STS: variants seen among roughly 807,000 people sequenced by gnomAD.
STS encodes the protein steryl-sulfatase.
In STS, 7 loss-of-function variants were observed where a neutral mutation model predicts 26.8. The ratio of observed to expected loss-of-function variants is 0.26; its 90% CI spans 0.15 to 0.49. STS has a LOEUF of 0.49. Ranked by LOEUF, STS falls within the 20% of genes least tolerant of loss-of-function variation. The probability of loss-of-function intolerance (pLI) is 0.98; values close to 1 mark genes in which losing one functional copy is unlikely to be tolerated. For synonymous variants in STS, 199 were observed against 189.4 expected, an observed-to-expected ratio of 1.05 and a Z score of -0.42; for missense variants, 434 against 465.6, an observed-to-expected ratio of 0.93 and a Z score of 0.63.
At chrX:7,231,903 G>A (rs762041752) in intron 2 of STS, among the ~76,000 whole-genome samples, 10 of 103,507 alleles carry the variant, frequency 9.7e-5, no homozygotes, top group South Asian at 4.4e-4. Context: ...ACCACCGACC[G>A]CAGATAGTCG....
intron 1 of STS, among the ~76,000 whole-genome samples, chrX:7,160,777 C>CT (rs1202568953): frequency 2.7e-5 from 3 of 111,496 alleles, no homozygotes. Flanking sequence ...TTGTTTCACT[C>CT]TTTTTCATTT....
rs181267099 is a variant in STS, at chrX:7,233,165, C to T, written c.-4-20031C>T. Among the ~76,000 whole-genome samples the T allele has an allele frequency of 9.5e-5, 9 of 95,074 alleles. No individual in the cohort carries two copies. The East Asian group carries it at 2.7e-3, about 29-fold the overall frequency. The allele number at this position is 95,074 out of a possible 115,157, so 82.6% of individuals were successfully genotyped here. ...CTGGAGTGTAATGGCGCGATCTTGG[C>T]TCACTGCAACCTCTGCCTCCAGGGT... On this transcript the variant is annotated intron_variant, in intron 2 of 10. Coordinates refer to ENST00000674429, the MANE Select transcript of STS (RefSeq NM_001320752.2).
intron 2 of STS, among the ~76,000 whole-genome samples, chrX:7,201,460 A>T (rs1934071525): frequency 9.2e-6 from 1 of 109,120 alleles, no homozygotes; most frequent in Non-Finnish European, 1.9e-5. Flanking sequence ...TAACTTTTTA[A>T]TTTTTTTTTG....
chrX:7,327,648 G>C (rs1325284822), intron 9 of STS, among the ~76,000 whole-genome samples: 2 of 111,213 alleles, frequency 1.8e-5, no homozygotes, highest in Admixed American at 9.6e-5. Flanking sequence ...ACCTCCCAAA[G>C]TGCTGGGATT....
At chrX:7,229,522 A>G (rs1921964081) in intron 2 of STS, among the ~76,000 whole-genome samples, 1 of 110,990 alleles carries the variant, frequency 9.0e-6, no homozygotes, top group African/African-American at 3.3e-5. Flanking sequence ...GCCCATGGGG[A>G]AGATTTGGAG....
intron 6 of STS, 75 bp downstream of exon 6, chrX:7,259,847 C>A (rs1923648108): frequency 8.9e-7 from 1 of 1,125,625 alleles, no homozygotes; most frequent in South Asian, 1.8e-5. Flanking sequence ...GTGGAAGAAC[C>A]AACAGGGTTT....
At chrX:7,323,879 C>A (rs952462986) in intron 8 of STS, among the ~76,000 whole-genome samples, 39 of 110,960 alleles carry the variant, frequency 3.5e-4, no homozygotes, top group African/African-American at 1.2e-3. Context: ...CCTTTAAAGT[C>A]AGCAGCATAG....
At chrX:7,306,040 A>G (rs762420552) in intron 8 of STS, among the ~76,000 whole-genome samples, 77 of 111,736 alleles carry the variant, frequency 6.9e-4, no homozygotes, top group Non-Finnish European at 1.2e-3. Context: ...GCATTAGCTG[A>G]GCCACTTTCA....
intron 1 of STS, among the ~76,000 whole-genome samples, chrX:7,169,190 A>G (rs1168881503): frequency 9.0e-6 from 1 of 110,696 alleles, no homozygotes; most frequent in Non-Finnish European, 1.9e-5. Flanking sequence ...TGTCTCTATG[A>G]ATTTGCCTAT....
chrX:7,166,074 T>G (rs1289793319), intron 1 of STS, among the ~76,000 whole-genome samples: 1 of 107,514 alleles, frequency 9.3e-6, no homozygotes, highest in Non-Finnish European at 1.9e-5. Context: ...GTGGCGTGAT[T>G]ACGGCTCGCT....
intron 1 of STS, among the ~76,000 whole-genome samples, chrX:7,150,835 C>T (rs113863237): frequency 0.024 from 2,694 of 111,858 alleles, 51 homozygotes; most frequent in Non-Finnish European, 0.037. Context: ...GGTTTGTACA[C>T]ATATAACAAG....
chrX:7,320,577 G>A (rs1201360700), intron 8 of STS, among the ~76,000 whole-genome samples: 5 of 111,961 alleles, frequency 4.5e-5, no homozygotes, highest in African/African-American at 1.6e-4. Flanking sequence ...AGTGAAGATG[G>A]TGTGAGTTTG....
At chrX:7,220,914 C>T (rs988273148) in intron 2 of STS, among the ~76,000 whole-genome samples, 2 of 111,591 alleles carry the variant, frequency 1.8e-5, no homozygotes, top group Non-Finnish European at 3.8e-5. Flanking sequence ...GAATCTCCAT[C>T]CCTCTTAAAT....
Position 7,148,083 on chromosome X carries a change from G to A in STS, c.-134G>A, listed in dbSNP as rs748017610. The A allele has an allele frequency of 1.1e-5, 13 of 1,137,104 alleles. No homozygotes were observed. In the South Asian group the frequency reaches 2.6e-4, roughly 23 times the overall value. 93.7% of individuals were successfully genotyped at this position (1,137,104 alleles called of 1,213,427 possible). A position where few individuals can be genotyped will look rare whatever the true frequency, so the allele number is the denominator to read the frequency against. On this transcript the variant is annotated splice_region_variant and 5_prime_UTR_variant, in exon 1 of 11. Transcript: ENST00000674429. ...AGAAGTCCGTCCATGTCAAAGATGA[G>A]GTGGGTGACGGGCTGCGGGGGCGCC...
Position 7,350,037 on chromosome X carries a change from A to G in STS, c.1513A>G (p.Arg505Gly). Residue 505 changes from arginine (R) to glycine (G), a missense_variant, in exon 11 of 11, where the codon AGA becomes GGA. This residue lies in a region of STS where 205 missense variants were observed against 177.3 expected (regional missense o/e 1.16). Transcript: ENST00000674429. ...ACTCTTTGATATTTCCAAAGATCCC[A>G]GAGAGAGAAACCCACTAACTCCAGC... ...PLLFDISKDP[R>G]ERNPLTPASE... The G allele has an allele frequency of 8.3e-7, 1 of 1,211,820 alleles. No homozygotes were observed. The highest frequency in any genetic ancestry group is 1.1e-6 in the Non-Finnish European group (1 of 895,437).
chrX:7,295,353 GT>G lies in STS; in HGVS notation c.944-9692del, dbSNP rs763651727. Among the ~76,000 whole-genome samples the G allele has an allele frequency of 3.7e-4, 41 of 111,193 alleles. No individual in the cohort carries two copies. In the Middle Eastern group the frequency reaches 0.014, roughly 39 times the overall value. On this transcript the variant is annotated intron_variant, in intron 7 of 10. Transcript: ENST00000674429. Reference sequence around the variant, plus strand: ...GAATTAATTAATTGGATTAAATGAAGTAATATATTTAGAGTAGTGAGCATAG... The same window carrying G: ...GAATTAATTAATTGGATTAAATGAAGAATATATTTAGAGTAGTGAGCATAG...
At chrX:7,179,382 G>GCT (rs1213781239) in intron 1 of STS, among the ~76,000 whole-genome samples, 3 of 105,219 alleles carry the variant, frequency 2.9e-5, no homozygotes, top group East Asian at 6.3e-4. Flanking sequence ...GTGATAATGA[G>GCT]CTCTCTCTGT....
intron 7 of STS, among the ~76,000 whole-genome samples, chrX:7,293,098 C>CT (rs746149832): frequency 9.0e-6 from 1 of 111,724 alleles, no homozygotes; most frequent in African/African-American, 3.2e-5. Flanking sequence ...TTCTAGGTGA[C>CT]TGCTGTCTAA....
intron 8 of STS, among the ~76,000 whole-genome samples, chrX:7,313,360 C>A (rs1926569488): frequency 8.9e-6 from 1 of 112,345 alleles, no homozygotes; most frequent in Non-Finnish European, 1.9e-5. Context: ...TTATGAGTTG[C>A]TTCTTACAGT....
Sources: allele counts gnomAD v4.1 joint callset (sites outside exome capture counted in the v4.1 genomes callset), GRCh38; gene constraint gnomAD v4.1.1; regional missense constraint gnomAD v4.1.1; transcripts MANE v1.5; gene names NCBI Gene and HGNC (gene_info 2026-07-23, HGNC 2026-07-21).